GRAMD2A: variants seen among roughly 807,000 people sequenced by gnomAD.
The protein encoded by GRAMD2A is GRAM domain containing 2A.
A neutral mutation model predicts 51.1 loss-of-function variants in GRAMD2A; 37 were observed. The ratio of observed to expected loss-of-function variants is 0.72; its 90% confidence interval spans 0.56 to 0.95. The LOEUF is 0.95. GRAMD2A is among the 40% of genes least tolerant of loss of function. The pLI is 0.00. For missense variants in GRAMD2A, 414 were observed against 426.9 expected (o/e 0.97, Z 0.27); for synonymous variants, 136 against 157.1 (o/e 0.87, Z 1.01).
intron 1 of GRAMD2A, among the ~76,000 whole-genome samples, chr15:72,196,984 G>T (rs151250645): frequency 6.6e-6 from 1 of 152,206 alleles, no homozygotes; most frequent in Non-Finnish European, 1.5e-5. Flanking sequence ...CTGGACCGGG[G>T]CAGGAATTGA....
At chr15:72,192,829 A>G (rs1366700300) in intron 1 of GRAMD2A, among the ~76,000 whole-genome samples, 2 of 152,238 alleles carry the variant, frequency 1.3e-5, no homozygotes, top group Non-Finnish European at 2.9e-5. Context: ...AAGGCTTTAA[A>G]GATTGGTTCA....
chr15:72,175,011 A>C (rs1338489725), intron 1 of GRAMD2A, among the ~76,000 whole-genome samples: 1 of 151,912 alleles, frequency 6.6e-6, no homozygotes. Context: ...ACCCCCTGCC[A>C]TCTAGACGTG....
intron 10 of GRAMD2A, chr15:72,162,873 G>C (rs1445117326): frequency 4.4e-5 from 10 of 225,320 alleles, no homozygotes; most frequent in Non-Finnish European, 7.0e-5. Context: ...CTGCTCTACT[G>C]GTCCTTAGAC....
At chr15:72,192,452 T>G (rs2081774596) in intron 1 of GRAMD2A, among the ~76,000 whole-genome samples, 1 of 152,234 alleles carries the variant, frequency 6.6e-6, no homozygotes, top group Non-Finnish European at 1.5e-5. Context: ...GCCTGAGTGA[T>G]TACTGGCAGG....
chr15:72,164,411 ATT>A (rs57619595), intron 8 of GRAMD2A, among the ~76,000 whole-genome samples: 1 of 143,620 alleles, frequency 7.0e-6, no homozygotes, highest in Admixed American at 7.0e-5. Flanking sequence ...GACATCTTTT[ATT>A]TTTTTTTTTT....
intron 1 of GRAMD2A, among the ~76,000 whole-genome samples, chr15:72,173,413 C>T (rs998340825): frequency 1.3e-5 from 2 of 152,142 alleles, no homozygotes; most frequent in Non-Finnish European, 2.9e-5. Context: ...CTCACAGCAC[C>T]CTGATCGGAA....
chr15:72,174,305 C>T (rs919694322), intron 1 of GRAMD2A, among the ~76,000 whole-genome samples: 1 of 152,136 alleles, frequency 6.6e-6, no homozygotes, highest in Non-Finnish European at 1.5e-5. Flanking sequence ...CCCAGAGGGC[C>T]AAGAAGGAGG....
intron 1 of GRAMD2A, among the ~76,000 whole-genome samples, chr15:72,180,428 C>A (rs987845777): frequency 3.9e-5 from 6 of 152,256 alleles, no homozygotes; most frequent in Non-Finnish European, 5.9e-5. Flanking sequence ...CAGAGCGCCC[C>A]TGTGCTCTTG....
chr15:72,181,117 A>T (rs889172453), intron 1 of GRAMD2A, among the ~76,000 whole-genome samples: 3 of 152,244 alleles, frequency 2.0e-5, no homozygotes, highest in Non-Finnish European at 2.9e-5. Flanking sequence ...AGAAGTGTGC[A>T]GCATGTGTGA....
chr15:72,169,153 G>A (rs1037043797), intron 2 of GRAMD2A, 157 bp from the exon 3 acceptor site: 5 of 681,118 alleles, frequency 7.3e-6, no homozygotes, highest in East Asian at 2.7e-5. Flanking sequence ...CAAGTACAGC[G>A]AGCACACAGC....
chr15:72,166,943 C>T lies in GRAMD2A; in HGVS notation c.471+51G>A. 7.0e-7 allele frequency: 1 copy of T among 1,434,100 alleles called. No homozygotes were observed. Among genetic ancestry groups the T allele is most frequent in the Non-Finnish European group, 9.8e-7 (1 of 1,016,498 alleles). 88.8% of individuals were successfully genotyped at this position (1,434,100 alleles called of 1,614,324 possible). On this transcript the variant is annotated intron_variant, in intron 6 of 11. Transcript: ENST00000309731. This position sits in a 1 kb window ranked among gnomAD's most constrained non-coding sequence, Gnocchi z 4.1. ...GTGCCCGAGTCAGACTGTGGGCTGT[C>T]AGGGCTGGGAGCGGGAGACTGACAA...
At chr15:72,167,134 G>A (rs1391885899) in intron 5 of GRAMD2A, 42 bp from the exon 6 acceptor site, 1 of 1,465,576 alleles carries the variant, frequency 6.8e-7, no homozygotes, top group Non-Finnish European at 9.6e-7. Flanking sequence ...TAACCCCCAA[G>A]GACGTGGTCC....
Position 72,163,700 on chromosome 15 carries a change from A to C in GRAMD2A, c.658T>G (p.Ser220Ala). ...RKVCPSSRSLSLPDNIPCIPP... is the reference protein window; with the variant it reads ...RKVCPSSRSLALPDNIPCIPP... ...ATACAAGGGATGTTGTCTGGGAGAG[A>C]CAGGGACCTGGAGGAAGGGCATACC... Residue 220 changes from serine to alanine, a missense_variant, in exon 9 of 12, where the codon TCT (serine) becomes GCT (alanine). Ser to Ala is a moderately conservative substitution (Grantham distance 99, BLOSUM62 1). Coordinates refer to ENST00000309731, the MANE Select transcript of GRAMD2A (RefSeq NM_001012642.3). The C allele has an allele frequency of 6.2e-7, 1 of 1,609,686 alleles. No homozygotes were observed. The highest frequency in any genetic ancestry group is 8.5e-7 in the Non-Finnish European group (1 of 1,178,868).
At chr15:72,193,629 T>G (rs2081784497) in intron 1 of GRAMD2A, among the ~76,000 whole-genome samples, 1 of 151,942 alleles carries the variant, frequency 6.6e-6, no homozygotes, top group Non-Finnish European at 1.5e-5. Flanking sequence ...TTCACGCCAG[T>G]CTCCTGCCAC....
intron 1 of GRAMD2A, among the ~76,000 whole-genome samples, chr15:72,172,172 A>G (rs1402610341): frequency 6.6e-6 from 1 of 151,094 alleles, no homozygotes; most frequent in Non-Finnish European, 1.5e-5. Flanking sequence ...AGGCTACAGT[A>G]CAGTGGCGCA....
chr15:72,177,290 A>G (rs181284098), intron 1 of GRAMD2A, among the ~76,000 whole-genome samples: 1 of 152,362 alleles, frequency 6.6e-6, no homozygotes, highest in Admixed American at 6.5e-5. Flanking sequence ...TTATTTACAT[A>G]TAGAAAAGCA....
chr15:72,172,384 G>A (rs1314134094), intron 1 of GRAMD2A, among the ~76,000 whole-genome samples: 6 of 151,176 alleles, frequency 4.0e-5, no homozygotes, highest in Non-Finnish European at 5.9e-5. Flanking sequence ...TTCCCAAAGT[G>A]CTGGGATTAC....
chr15:72,192,180 C>T (rs2081772611), intron 1 of GRAMD2A, among the ~76,000 whole-genome samples: 1 of 152,180 alleles, frequency 6.6e-6, no homozygotes, highest in Admixed American at 6.5e-5. Flanking sequence ...ACAAACTTTA[C>T]CCATGACTTG....
chr15:72,162,187 G>T, intron 11 of GRAMD2A, 86 bp downstream of exon 11: 3 of 1,355,540 alleles, frequency 2.2e-6, no homozygotes, highest in Non-Finnish European at 3.2e-6. Flanking sequence ...ACAGGACCAA[G>T]TCCAGCCAGG....
Sources: gnomAD v4.1 joint callset for allele counts (sites outside exome capture counted in the v4.1 genomes callset) on GRCh38, gnomAD v4.1.1 for gene constraint, Gnocchi (gnomAD v3.1) non-coding constraint, MANE v1.5 for transcripts, NCBI Gene and HGNC (gene_info 2026-07-23, HGNC 2026-07-21) for gene names.